Variants in VWC2 observed in about 807,000 individuals in gnomAD.
VWC2 encodes the protein brorin.
VWC2 carries 14 observed loss-of-function variants against 29.8 expected under a neutral mutation model. The observed-to-expected ratio is 0.47, with a 90% CI of 0.31 to 0.74. The LOEUF is 0.74. Among genes scored for constraint, VWC2 ranks in the 30% least tolerant of loss-of-function variants. VWC2 has a pLI of 0.05. For missense variants in VWC2, 457 were observed against 459.8 expected, an observed-to-expected ratio of 0.99 and a Z score of 0.05; for synonymous variants, 213 against 199.0, an observed-to-expected ratio of 1.07 and a Z score of -0.59.
rs149006842 is a variant in VWC2, at chr7:49,832,795, A to G, written c.826+29955A>G. On this transcript the variant is annotated intron_variant, in intron 3 of 3. Coordinates refer to ENST00000340652, the MANE Select transcript of VWC2 (RefSeq NM_198570.5). ...TACATTGCCAAGACTTTGTCAAGCT[A>G]TATTAACTTCTTGGCAATGTGCTCT... 8.5e-5 allele frequency among the ~76,000 whole-genome samples: 13 copies of G among 152,300 alleles called. No individual in the cohort carries two copies. The East Asian group carries it at 1.9e-3, about 23-fold the overall frequency.
At chr7:49,843,328 C>G (rs1435262580) in intron 3 of VWC2, among the ~76,000 whole-genome samples, 1 of 152,152 alleles carries the variant, frequency 6.6e-6, no homozygotes, top group Non-Finnish European at 1.5e-5. Context: ...ATAAAGCTCT[C>G]AGAAACATCA....
intron 3 of VWC2, among the ~76,000 whole-genome samples, chr7:49,880,674 G>T (rs1791625014): frequency 6.6e-6 from 1 of 151,908 alleles, no homozygotes; most frequent in Non-Finnish European, 1.5e-5. Flanking sequence ...ACACACCGGG[G>T]CCTGTTGTGG....
intron 3 of VWC2, among the ~76,000 whole-genome samples, chr7:49,838,107 G>C (rs1173416368): frequency 6.6e-6 from 1 of 152,134 alleles, no homozygotes; most frequent in South Asian, 2.1e-4. Flanking sequence ...ACTCTAGCTA[G>C]GGGGACAGAG....
rs1217271538 is a variant in VWC2, at chr7:49,879,083, C to G, written c.827-32951C>G. On this transcript the variant is annotated intron_variant, in intron 3 of 3. Transcript: ENST00000340652. ...TTCTTAATATCCGGCAGTTCATTCC[C>G]TCAATCCTCAAAGGTCTCTGCTTTT... 3.3e-5 allele frequency among the ~76,000 whole-genome samples: 5 copies of G among 152,282 alleles called. No individual in the cohort carries two copies. In the East Asian group the frequency reaches 5.8e-4, roughly 18 times the overall value.
intron 3 of VWC2, among the ~76,000 whole-genome samples, chr7:49,874,056 T>C (rs1319152993): frequency 6.6e-6 from 1 of 151,800 alleles, no homozygotes. Flanking sequence ...CATGGCATAT[T>C]TTGCTAGTGG....
At chr7:49,859,040 T>G (rs1790541511) in intron 3 of VWC2, among the ~76,000 whole-genome samples, 1 of 152,198 alleles carries the variant, frequency 6.6e-6, no homozygotes, top group Admixed American at 6.5e-5. Flanking sequence ...CGACTGCAGG[T>G]GCTACTAGTG....
At chr7:49,871,502 G>A (rs926789704) in intron 3 of VWC2, among the ~76,000 whole-genome samples, 7 of 152,160 alleles carry the variant, frequency 4.6e-5, no homozygotes, top group Non-Finnish European at 4.4e-5. Context: ...TTACAGATGA[G>A]TTGGCTTGGT....
Position 49,917,109 on chromosome 7 carries a change from C to T in VWC2, c.*4924C>T, listed in dbSNP as rs1793764228. On this transcript the variant is annotated 3_prime_UTR_variant, in exon 4 of 4. Transcript: ENST00000340652. ...ATCATTTCTGTGTGTTTTAATCTTT[C>T]TACATAACATAATTAAACACCTCAG... 6.6e-6 allele frequency: 1 copy of T among 152,178 alleles called. No individual in the cohort carries two copies. The highest frequency in any genetic ancestry group is 1.9e-4 in the East Asian group (1 of 5,186). 9.4% of individuals were successfully genotyped at this position (152,178 alleles called of 1,614,324 possible). A position where few individuals can be genotyped will look rare whatever the true frequency, so the allele number is the denominator to read the frequency against.
rs921959650 is a variant in VWC2 at position 49,913,137 on chromosome 7, C to T, written c.*952C>T. On this transcript the variant is annotated 3_prime_UTR_variant, in exon 4 of 4. Transcript: ENST00000340652. ...AGTTCAGTGGAATCATATTTGTCAT[C>T]AGACTTGAGTCATCTATCCTCCATA... 1 of 152,290 alleles carries T rather than the reference C, an allele frequency of 6.6e-6. No individual in the cohort carries two copies. The highest frequency in any genetic ancestry group is 6.5e-5 in the Admixed American group (1 of 15,302). The allele number at this position is 152,290 out of a possible 1,614,324, so 9.4% of individuals were successfully genotyped here. A position where few individuals can be genotyped will look rare whatever the true frequency, so the allele number is the denominator to read the frequency against.
chr7:49,812,814 C>A (rs982334731), intron 3 of VWC2, among the ~76,000 whole-genome samples: 4 of 152,106 alleles, frequency 2.6e-5, no homozygotes, highest in Non-Finnish European at 5.9e-5. Flanking sequence ...GCTTGAAGCT[C>A]AGCTGTTTGT....
At position 49,899,453 on chromosome 7, in the gene VWC2, T is replaced by C. The variant is rs148438789; in HGVS notation, c.827-12581T>C. On this transcript the variant is annotated intron_variant, in intron 3 of 3. Transcript: ENST00000340652. ...AACTGTGGATAAAAAGGGACTACTA[T>C]ATAGCTTCAAAGTAAATGGATGGAT... is the stretch of plus-strand genomic sequence containing the variant. Among the ~76,000 whole-genome samples the C allele has an allele frequency of 1.1e-4, 16 of 152,184 alleles. No homozygotes were observed. The East Asian group carries it at 2.3e-3, about 22-fold the overall frequency.
chr7:49,800,715 C>T (rs536084161), intron 2 of VWC2, among the ~76,000 whole-genome samples: 3 of 152,112 alleles, frequency 2.0e-5, no homozygotes, highest in Admixed American at 6.5e-5. Context: ...ATTCTGTTCT[C>T]ATTCTGCTTG....
chr7:49,821,708 A>G (rs1272374251), intron 3 of VWC2, among the ~76,000 whole-genome samples: 1 of 152,180 alleles, frequency 6.6e-6, no homozygotes, highest in Non-Finnish European at 1.5e-5. Context: ...GAGTTAAAAC[A>G]TCTAATGCTA....
At chr7:49,820,009 T>C (rs1168894747) in intron 3 of VWC2, among the ~76,000 whole-genome samples, 1 of 152,192 alleles carries the variant, frequency 6.6e-6, no homozygotes, top group African/African-American at 2.4e-5. Context: ...TCTCTCACAA[T>C]ATATTTCTAA....
At position 49,876,359 on chromosome 7, in the gene VWC2, G is replaced by A. The variant is rs144841377; in HGVS notation, c.827-35675G>A. On this transcript the variant is annotated intron_variant, in intron 3 of 3. Transcript: ENST00000340652. ...TTATTTTTCTGCCTTCCACTTTGTG[G>A]TTGACAAGACTGGCCAAGTCAATAT... Among the ~76,000 whole-genome samples, 484 of 152,198 alleles carry A rather than the reference G, an allele frequency of 3.2e-3. 6 individuals carry two copies. The highest frequency in any genetic ancestry group is 0.011 in the African/African-American group (451 of 41,550).
At chr7:49,860,602 C>T (rs958654250) in intron 3 of VWC2, among the ~76,000 whole-genome samples, 1 of 152,170 alleles carries the variant, frequency 6.6e-6, no homozygotes, top group Non-Finnish European at 1.5e-5. Context: ...GCTTTCAATT[C>T]CTTTGGCTAT....
chr7:49,806,924 CA>C (rs1478496296), intron 3 of VWC2, among the ~76,000 whole-genome samples: 2 of 152,142 alleles, frequency 1.3e-5, no homozygotes, highest in East Asian at 3.9e-4. Context: ...AAGGAATTTA[CA>C]AATATCAAAA....
At position 49,918,425 on chromosome 7, in the gene VWC2, A is replaced by C. The variant is rs564968057; in HGVS notation, c.*6240A>C. On this transcript the variant is annotated 3_prime_UTR_variant, in exon 4 of 4. Transcript: ENST00000340652. ...ACTGATCCCTAATTCTAGAATATCAATCTTGATACTTGTCAAAGTAAATAG... is the reference window on the plus strand; with the variant it reads ...ACTGATCCCTAATTCTAGAATATCACTCTTGATACTTGTCAAAGTAAATAG... 23 of 152,338 alleles carry C rather than the reference A, an allele frequency of 1.5e-4. No homozygotes were observed. The highest frequency in any genetic ancestry group is 5.1e-4 in the African/African-American group (21 of 41,584). 9.4% of individuals were successfully genotyped at this position (152,338 alleles called of 1,614,324 possible).
intron 3 of VWC2, among the ~76,000 whole-genome samples, chr7:49,832,596 A>T (rs1014672468): frequency 6.6e-6 from 1 of 152,086 alleles, no homozygotes; most frequent in African/African-American, 2.4e-5. Flanking sequence ...GGTTGACTGA[A>T]ATCTCCTGTT....
Sources: allele counts gnomAD v4.1 joint callset (sites outside exome capture counted in the v4.1 genomes callset), GRCh38; gene constraint gnomAD v4.1.1; transcripts MANE v1.5; gene names NCBI Gene and HGNC (gene_info 2026-07-23, HGNC 2026-07-21).